The following CERT1 variants were observed in gnomAD, a reference collection of about 807,000 sequenced individuals.
CERT1 encodes ceramide transporter 1.
A neutral mutation model predicts 87.9 loss-of-function variants in CERT1; 31 were observed. The ratio of observed to expected loss-of-function variants is 0.35; its 90% CI spans 0.27 to 0.48. The LOEUF is 0.48. CERT1 is among the 20% of genes least tolerant of loss of function. The pLI, the probability that CERT1 is intolerant of heterozygous loss-of-function variation, is 0.99. For synonymous variants in CERT1, 289 were observed against 250.9 expected, an observed-to-expected ratio of 1.15 and a Z score of -1.44; for missense variants, 487 against 758.0, an observed-to-expected ratio of 0.64 and a Z score of 4.20.
chr5:75,408,951 G>A (rs1176644832), intron 8 of CERT1, among the ~76,000 whole-genome samples: 5 of 151,910 alleles, frequency 3.3e-5, no homozygotes, highest in Non-Finnish European at 4.4e-5. Flanking sequence ...CAAAACCTGT[G>A]TTGATGGAAG....
At chr5:75,479,342 A>C (rs1022311872) in intron 2 of CERT1, among the ~76,000 whole-genome samples, 3 of 152,092 alleles carry the variant, frequency 2.0e-5, no homozygotes, top group African/African-American at 7.2e-5. Flanking sequence ...AAGGTTTGTT[A>C]CATAGGTGAA....
chr5:75,499,667 G>A (rs182237583), intron 2 of CERT1, among the ~76,000 whole-genome samples: 114 of 152,230 alleles, frequency 7.5e-4, no homozygotes, highest in Middle Eastern at 3.4e-3. Flanking sequence ...TTGACTTCAC[G>A]GCCCATGCAC....
chr5:75,488,996 C>G (rs1394864209), intron 2 of CERT1, among the ~76,000 whole-genome samples: 3 of 152,114 alleles, frequency 2.0e-5, no homozygotes, highest in African/African-American at 4.8e-5. Context: ...TGACTTCAAA[C>G]TATACTACAA....
rs773784292 is a variant in CERT1 at position 75,419,371 on chromosome 5, A to C, written c.649T>G (p.Leu217Val). Residue 217 changes from leucine (L) to valine (V), a missense_variant, in exon 6 of 17, where the codon TTG (leucine) becomes GTG (valine). By Grantham distance (32) the Leu-to-Val change is conservative. Coordinates refer to ENST00000643780, the MANE Select transcript of CERT1 (RefSeq NM_001379029.1). ...FPTTRSDGDF[L>V]HSTNGNKEKL... ...TCTTTATTGCCGTTGGTACTATGCAAGAAGTCACCATCAGAACGCGTTGTA... is the reference window on the plus strand; with the variant it reads ...TCTTTATTGCCGTTGGTACTATGCACGAAGTCACCATCAGAACGCGTTGTA... 13 of 1,613,018 alleles carry C rather than the reference A, an allele frequency of 8.1e-6. No individual in the cohort carries two copies. The Admixed American group carries it at 2.2e-4, about 27-fold the overall frequency.
chr5:75,400,525 G>T, intron 9 of CERT1: 1 of 423,660 alleles, frequency 2.4e-6, no homozygotes, highest in Non-Finnish European at 4.2e-6. Flanking sequence ...GTTAGGCAAG[G>T]GATAAGTTCG....
Position 75,511,566 on chromosome 5 carries a change from G to A in CERT1, c.-359C>T. ...AAAGAAGGGAAGAGAAAATCCGGCC[G>A]CTGAGTCCCGCGTCCACTCACACCT... is the stretch of plus-strand genomic sequence containing the variant. On this transcript the variant is annotated 5_prime_UTR_variant, in exon 1 of 17. Transcript: ENST00000643780. The A allele has an allele frequency of 6.9e-7, 1 of 1,457,376 alleles. No individual in the cohort carries two copies. The highest frequency in any genetic ancestry group is 9.0e-7 in the Non-Finnish European group (1 of 1,106,954). The allele number at this position is 1,457,376 out of a possible 1,614,324, so 90.3% of individuals were successfully genotyped here.
At chr5:75,406,986 TAA>T (rs765005449) in intron 8 of CERT1, among the ~76,000 whole-genome samples, 2 of 151,844 alleles carry the variant, frequency 1.3e-5, no homozygotes, top group Non-Finnish European at 2.9e-5. Flanking sequence ...TAGTTTGAAT[TAA>T]GTGTCTAAAA....
intron 3 of CERT1, among the ~76,000 whole-genome samples, chr5:75,441,734 C>T (rs1393371727): frequency 6.6e-6 from 1 of 152,138 alleles, no homozygotes; most frequent in Non-Finnish European, 1.5e-5. Context: ...TAGCATGTGG[C>T]AGAATTTCCT....
At chr5:75,453,148 T>C (rs1315275544) in intron 3 of CERT1, among the ~76,000 whole-genome samples, 1 of 152,190 alleles carries the variant, frequency 6.6e-6, no homozygotes, top group Non-Finnish European at 1.5e-5. Context: ...CATTCTAGAA[T>C]GGATGCCAAG....
downstream of CERT1, chr5:75,375,818 G>A (rs1761279613): frequency 6.8e-6 from 1 of 147,832 alleles, no homozygotes; most frequent in East Asian, 2.0e-4. Flanking sequence ...TGCTGGGTTC[G>A]ACTTCATACA....
chr5:75,421,057 C>T (rs1473199651), intron 5 of CERT1, among the ~76,000 whole-genome samples: 2 of 152,190 alleles, frequency 1.3e-5, no homozygotes, highest in Admixed American at 1.3e-4. Flanking sequence ...AATCTGCCCA[C>T]CTCTGCCTCT....
downstream of CERT1, chr5:75,377,632 T>G (rs1761375542): frequency 6.6e-6 from 1 of 152,238 alleles, no homozygotes; most frequent in African/African-American, 2.4e-5. Flanking sequence ...TGCTGCTGCT[T>G]CTTTAACAAC....
intron 2 of CERT1, among the ~76,000 whole-genome samples, chr5:75,474,600 ATAGTCTCATG>A (rs1305255781): frequency 6.6e-5 from 10 of 152,096 alleles, no homozygotes; most frequent in Non-Finnish European, 1.3e-4. Context: ...CCAGTGGATG[ATAGTCTCATG>A]TAGTCTATTA....
intron 2 of CERT1, among the ~76,000 whole-genome samples, chr5:75,469,094 G>A (rs550250514): frequency 6.6e-6 from 1 of 151,820 alleles, no homozygotes; most frequent in Non-Finnish European, 1.5e-5. Context: ...ATGACAAGAT[G>A]AGAAAATTAA....
intron 3 of CERT1, among the ~76,000 whole-genome samples, chr5:75,456,216 T>C (rs1764974967): frequency 6.6e-6 from 1 of 152,120 alleles, no homozygotes; most frequent in Admixed American, 6.5e-5. Flanking sequence ...ACTCAACAAT[T>C]TACTTTTAGA....
chr5:75,497,467 T>G (rs1767128790), intron 2 of CERT1, among the ~76,000 whole-genome samples: 1 of 152,180 alleles, frequency 6.6e-6, no homozygotes, highest in African/African-American at 2.4e-5. Flanking sequence ...AAGGTACCTT[T>G]GGCTGTAAGC....
At chr5:75,382,444 A>G (rs1761624166) in intron 14 of CERT1, among the ~76,000 whole-genome samples, 1 of 152,136 alleles carries the variant, frequency 6.6e-6, no homozygotes, top group African/African-American at 2.4e-5. Context: ...GTAAGCAACA[A>G]CTTTCCATTC....
chr5:75,471,709 T>C (rs1014088505), intron 2 of CERT1, among the ~76,000 whole-genome samples: 2 of 148,034 alleles, frequency 1.4e-5, no homozygotes, highest in Non-Finnish European at 1.5e-5. Flanking sequence ...TGAGCCAAGA[T>C]TGCGCCACTG....
At chr5:75,422,981 A>T (rs1166200981) in intron 5 of CERT1, among the ~76,000 whole-genome samples, 2 of 152,190 alleles carry the variant, frequency 1.3e-5, no homozygotes, top group Non-Finnish European at 2.9e-5. Context: ...CAACCCTGCC[A>T]ATACCTTTAT....
Sources: allele counts gnomAD v4.1 joint callset (sites outside exome capture counted in the v4.1 genomes callset), GRCh38; gene constraint gnomAD v4.1.1; transcripts MANE v1.5; gene names NCBI Gene and HGNC (gene_info 2026-07-23, HGNC 2026-07-21).